SSBP3: variants seen among roughly 807,000 people sequenced by gnomAD.
SSBP3 encodes single stranded DNA binding protein 3, also known as single-stranded DNA-binding protein 3.
A neutral mutation model predicts 69.6 loss-of-function variants in SSBP3; 5 were observed. The observed-to-expected ratio is 0.07, with a 90% CI of 0.04 to 0.15. The LOEUF (loss-of-function observed/expected upper bound fraction) is 0.15, where lower values mean the gene tolerates loss of function less well. SSBP3 is among the 10% of genes least tolerant of loss of function. SSBP3 has a pLI of 1.00. For missense variants in SSBP3, 312 were observed against 534.0 expected, an observed-to-expected ratio of 0.58 and a Z score of 4.10; for synonymous variants, 196 against 193.4, an observed-to-expected ratio of 1.01 and a Z score of -0.11.
At chr1:54,316,448 G>T (rs923726329) in intron 4 of SSBP3, among the ~76,000 whole-genome samples, 2 of 147,908 alleles carry the variant, frequency 1.4e-5, no homozygotes, top group African/African-American at 5.0e-5. Flanking sequence ...GACCATCCTG[G>T]CTAACAAGGT....
At chr1:54,282,644 G>GGGCGA (rs1557493076) in intron 4 of SSBP3, among the ~76,000 whole-genome samples, 1 of 152,200 alleles carries the variant, frequency 6.6e-6, no homozygotes, top group African/African-American at 2.4e-5. Context: ...AGGCGGGGCG[G>GGGCGA]GGCGAGGCTG....
At chr1:54,282,071 TAAA>T (rs547829069) in intron 4 of SSBP3, among the ~76,000 whole-genome samples, 2 of 150,602 alleles carry the variant, frequency 1.3e-5, no homozygotes, top group African/African-American at 4.9e-5. Context: ...ATAATAATAA[TAAA>T]AAAATGGGGG....
At chr1:54,248,640 C>T (rs780539785) in intron 9 of SSBP3, among the ~76,000 whole-genome samples, 8 of 152,248 alleles carry the variant, frequency 5.3e-5, no homozygotes, top group Non-Finnish European at 7.4e-5. Flanking sequence ...CAGGCTCTGC[C>T]GGGCCCAAGA....
chr1:54,385,252 A>C (rs1647991490), intron 4 of SSBP3, among the ~76,000 whole-genome samples: 1 of 152,156 alleles, frequency 6.6e-6, no homozygotes, highest in South Asian at 2.1e-4. Context: ...TCTCAAGGAC[A>C]TGGCTTGTGC....
intron 4 of SSBP3, among the ~76,000 whole-genome samples, chr1:54,298,999 C>T (rs1037926934): frequency 6.7e-6 from 1 of 148,372 alleles, no homozygotes; most frequent in South Asian, 2.2e-4. Flanking sequence ...TGAGGATAGG[C>T]ATGGAGATAC....
intron 4 of SSBP3, among the ~76,000 whole-genome samples, chr1:54,289,032 A>AAC (rs1553132207): frequency 3.2e-4 from 19 of 59,468 alleles, no homozygotes; most frequent in South Asian, 2.4e-3. Flanking sequence ...AAAAAAAAAA[A>AAC]AAAACAAAAA....
intron 4 of SSBP3, chr1:54,285,540 C>G (rs1645473250): frequency 6.6e-6 from 1 of 151,976 alleles, no homozygotes; most frequent in South Asian, 2.1e-4. Flanking sequence ...AATTAGAGAC[C>G]TGGTCCCCAG....
At chr1:54,247,463 C>T (rs923642594) in intron 9 of SSBP3, among the ~76,000 whole-genome samples, 1 of 152,192 alleles carries the variant, frequency 6.6e-6, no homozygotes, top group African/African-American at 2.4e-5. Flanking sequence ...TCCTCACCAG[C>T]TCGGGGTGCT....
intron 4 of SSBP3, among the ~76,000 whole-genome samples, chr1:54,303,095 T>TA (rs1049691324): frequency 6.6e-6 from 1 of 152,078 alleles, no homozygotes; most frequent in Non-Finnish European, 1.5e-5. Context: ...ACAACACAAT[T>TA]AGAGACAAGA....
chr1:54,332,032 C>T (rs993822626), intron 4 of SSBP3, among the ~76,000 whole-genome samples: 1 of 152,198 alleles, frequency 6.6e-6, no homozygotes, highest in African/African-American at 2.4e-5. Flanking sequence ...AAGTCCGAAT[C>T]ATCTTATCTC....
chr1:54,380,034 C>T (rs1244190722), intron 4 of SSBP3, among the ~76,000 whole-genome samples: 1 of 152,144 alleles, frequency 6.6e-6, no homozygotes, highest in African/African-American at 2.4e-5. Context: ...GCCTGTACAC[C>T]CAGGGGTGAG....
chr1:54,343,211 C>T (rs189421025), intron 4 of SSBP3, among the ~76,000 whole-genome samples: 2 of 152,168 alleles, frequency 1.3e-5, no homozygotes, highest in African/African-American at 2.4e-5. Context: ...GTATTGAACA[C>T]GTGATACATT....
chr1:54,374,398 G>A (rs575683686), intron 4 of SSBP3, among the ~76,000 whole-genome samples: 1 of 152,206 alleles, frequency 6.6e-6, no homozygotes, highest in African/African-American at 2.4e-5. Context: ...AATCTCTTCA[G>A]TAAGCCCCAA....
At chr1:54,299,556 A>G (rs1315377018) in intron 4 of SSBP3, among the ~76,000 whole-genome samples, 1 of 151,932 alleles carries the variant, frequency 6.6e-6, no homozygotes, top group African/African-American at 2.4e-5. Context: ...ATCACCCCCA[A>G]GCCCACCCTT....
chr1:54,302,691 A>G (rs1255232713), intron 4 of SSBP3, among the ~76,000 whole-genome samples: 4 of 152,242 alleles, frequency 2.6e-5, no homozygotes, highest in African/African-American at 4.8e-5. Flanking sequence ...GAGCAAAGGA[A>G]TAACAACTCA....
intron 4 of SSBP3, among the ~76,000 whole-genome samples, chr1:54,377,032 A>C (rs1277585992): frequency 6.6e-6 from 1 of 152,222 alleles, no homozygotes; most frequent in African/African-American, 2.4e-5. Flanking sequence ...GAGAGAGGTA[A>C]GGCCCTCTCT....
At chr1:54,243,040 G>A in intron 10 of SSBP3, 195 bp downstream of exon 10, 2 of 620,732 alleles carry the variant, frequency 3.2e-6, no homozygotes, top group South Asian at 4.0e-5. Flanking sequence ...CCTGAACCGT[G>A]CCCGGCACAC....
At position 54,237,933 on chromosome 1, in the gene SSBP3, C is replaced by T. The variant is rs1055658308; in HGVS notation, c.927+1196G>A. ...ACATGGCGACAGTGACCACTCGAGGCAGATCATCCACGCCATTTCCATCCG... is the reference window on the plus strand; with the variant it reads ...ACATGGCGACAGTGACCACTCGAGGTAGATCATCCACGCCATTTCCATCCG... On this transcript the variant is annotated intron_variant, in intron 14 of 17. Coordinates refer to ENST00000610401, the Ensembl canonical transcript of SSBP3. The T allele has an allele frequency of 1.6e-4, 56 of 360,490 alleles. 1 individual carries two copies. In the Admixed American group the frequency reaches 1.9e-3, roughly 12 times the overall value. The allele number at this position is 360,490 out of a possible 1,614,324, so 22.3% of individuals were successfully genotyped here. A position where few individuals can be genotyped will look rare whatever the true frequency, so the allele number is the denominator to read the frequency against.
intron 4 of SSBP3, among the ~76,000 whole-genome samples, chr1:54,339,590 G>A (rs1461527202): frequency 6.6e-6 from 1 of 152,052 alleles, no homozygotes; most frequent in Non-Finnish European, 1.5e-5. Flanking sequence ...CATCATTGCA[G>A]GAGAGGGGAA....
Sources: gnomAD v4.1 joint callset for allele counts (sites outside exome capture counted in the v4.1 genomes callset) on GRCh38, gnomAD v4.1.1 for gene constraint, MANE v1.5 for transcripts, NCBI Gene and HGNC (gene_info 2026-07-23, HGNC 2026-07-21) for gene names.